Variants in BRINP1 observed in about 807,000 individuals in gnomAD.
BRINP1 encodes the protein BMP/retinoic acid-inducible neural-specific protein 1.
Under a neutral mutation model 72.9 loss-of-function variants are expected in BRINP1, and 17 were observed. That is an observed-to-expected ratio of 0.23 (90% CI 0.16 to 0.35). The LOEUF (loss-of-function observed/expected upper bound fraction) is 0.35, where lower values mean the gene tolerates loss of function less well. BRINP1 is among the 10% of genes least tolerant of loss of function. The probability of loss-of-function intolerance (pLI) is 1.00; values close to 1 mark genes in which losing one functional copy is unlikely to be tolerated. For missense variants in BRINP1, 850 were observed against 1,001.6 expected, an observed-to-expected ratio of 0.85 and a Z score of 2.04; for synonymous variants, 418 against 378.5, an observed-to-expected ratio of 1.10 and a Z score of -1.21.
chr9:119,330,953 G>T (rs1831294315), intron 1 of BRINP1, among the ~76,000 whole-genome samples: 1 of 152,176 alleles, frequency 6.6e-6, no homozygotes. Context: ...CTTGAACCCA[G>T]CAGGTGGAGG....
chr9:119,351,740 G>A (rs921432869), intron 1 of BRINP1, among the ~76,000 whole-genome samples: 3 of 152,182 alleles, frequency 2.0e-5, no homozygotes, highest in Non-Finnish European at 4.4e-5. Flanking sequence ...AATAATTATA[G>A]TAGGAAAGTC....
In BRINP1 at chr9:119,248,984, G is replaced by C; in HGVS notation, c.385C>G (p.Leu129Val). The change falls in exon 3 of 8, where the codon CTG (leucine) becomes GTG (valine). Residue 129 changes from leucine to valine, a missense_variant. By Grantham distance (32) the Leu-to-Val change is conservative. Coordinates refer to ENST00000265922, the MANE Select transcript of BRINP1 (RefSeq NM_014618.3). ...DTIIKKYGTH[L>V]LISATLGGEE... ...CCTCCCAATGTGGCTGAGATGAGCA[G>C]GTGGGTGCCGTACTTTTTGATGATG... 1 of 1,613,838 alleles carries C rather than the reference G, an allele frequency of 6.2e-7. No homozygotes were observed. The highest frequency in any genetic ancestry group is 8.5e-7 in the Non-Finnish European group (1 of 1,179,802).
At chr9:119,365,731 C>T (rs925997037) in intron 1 of BRINP1, among the ~76,000 whole-genome samples, 2 of 152,102 alleles carry the variant, frequency 1.3e-5, no homozygotes, top group Non-Finnish European at 2.9e-5. Flanking sequence ...CCTGTACCAG[C>T]GGCAAAGATA....
intron 2 of BRINP1, 77 bp from the exon 3 acceptor site, chr9:119,249,227 C>A: frequency 7.2e-7 from 1 of 1,397,704 alleles, no homozygotes; most frequent in Non-Finnish European, 9.7e-7. Context: ...ACCATCCATC[C>A]AGGCATCTCT....
intron 1 of BRINP1, among the ~76,000 whole-genome samples, chr9:119,325,038 T>TG (rs1831225725): frequency 6.6e-6 from 1 of 151,642 alleles, no homozygotes; most frequent in Non-Finnish European, 1.5e-5. Flanking sequence ...AGGCGAAAGT[T>TG]GTAGTGAGCT....
intron 7 of BRINP1, among the ~76,000 whole-genome samples, chr9:119,208,353 G>A (rs759727307): frequency 5.3e-5 from 8 of 152,192 alleles, no homozygotes; most frequent in Non-Finnish European, 8.8e-5. Flanking sequence ...TCACCATTAA[G>A]ATGGGGATGC....
At chr9:119,242,804 A>G (rs968795167) in intron 3 of BRINP1, among the ~76,000 whole-genome samples, 2 of 152,222 alleles carry the variant, frequency 1.3e-5, no homozygotes, top group African/African-American at 4.8e-5. Flanking sequence ...AAAAATTTAT[A>G]CATTTTCTTC....
chr9:119,200,638 A>G (rs1283687344), intron 7 of BRINP1, among the ~76,000 whole-genome samples: 2 of 121,260 alleles, frequency 1.6e-5, no homozygotes, highest in Non-Finnish European at 3.3e-5. Flanking sequence ...AAAAAAAAGA[A>G]AAAAAAAAAA....
At chr9:119,324,209 CAA>C (rs201478009) in intron 1 of BRINP1, among the ~76,000 whole-genome samples, 1 of 139,500 alleles carries the variant, frequency 7.2e-6, no homozygotes, top group Non-Finnish European at 1.6e-5. Context: ...GTATACAAGG[CAA>C]AAAAAAAAAA....
chr9:119,353,336 A>G (rs1388307714), intron 1 of BRINP1, among the ~76,000 whole-genome samples: 1 of 151,956 alleles, frequency 6.6e-6, no homozygotes, highest in Non-Finnish European at 1.5e-5. Context: ...TTCTCCCATC[A>G]TCCCTTAACA....
At chr9:119,246,005 A>G (rs1830312990) in intron 3 of BRINP1, among the ~76,000 whole-genome samples, 1 of 152,230 alleles carries the variant, frequency 6.6e-6, no homozygotes, top group South Asian at 2.1e-4. Flanking sequence ...CAATAATAGT[A>G]AGAACAAGAG....
At chr9:119,241,304 C>A (rs944231091) in intron 4 of BRINP1, among the ~76,000 whole-genome samples, 4 of 152,016 alleles carry the variant, frequency 2.6e-5, no homozygotes, top group Non-Finnish European at 5.9e-5. Flanking sequence ...CTGGTGTAGG[C>A]GAGCCTAGAT....
intron 2 of BRINP1, among the ~76,000 whole-genome samples, chr9:119,271,324 C>CAA (rs11455242): frequency 0.06 from 8,568 of 142,600 alleles, 522 homozygotes; most frequent in African/African-American, 0.15. Flanking sequence ...CCAGAAGGAC[C>CAA]AAAAAAAAAA....
chr9:119,238,638 T>C lies in BRINP1; in HGVS notation c.685+17A>G. 5 of 1,560,350 alleles carry C rather than the reference T, an allele frequency of 3.2e-6. No homozygotes were observed. The highest frequency in any genetic ancestry group is 4.4e-6 in the Non-Finnish European group (5 of 1,139,002). On this transcript the variant is annotated intron_variant, in intron 5 of 7. Transcript: ENST00000265922. The stretch of plus-strand genomic sequence containing the variant: ...TGTTTCCCCCAACTGACCCCACTTT[T>C]TCCACTGGCTTCCTACCTTGAAGGT...
chr9:119,224,231 C>T (rs868788783), intron 5 of BRINP1, among the ~76,000 whole-genome samples: 6 of 152,026 alleles, frequency 3.9e-5, no homozygotes, highest in East Asian at 1.9e-4. Context: ...TACATATGCA[C>T]GAGTTTGCAT....
At chr9:119,227,900 G>C (rs1160564739) in intron 5 of BRINP1, among the ~76,000 whole-genome samples, 4 of 152,072 alleles carry the variant, frequency 2.6e-5, no homozygotes, top group Non-Finnish European at 5.9e-5. Context: ...TGGTGGGATG[G>C]ATAAATGGGC....
intron 1 of BRINP1, among the ~76,000 whole-genome samples, chr9:119,323,894 T>C (rs1831213631): frequency 6.6e-6 from 1 of 152,198 alleles, no homozygotes; most frequent in Non-Finnish European, 1.5e-5. Flanking sequence ...TGTAATATAC[T>C]GAACTAGACA....
intron 1 of BRINP1, among the ~76,000 whole-genome samples, chr9:119,314,837 G>A (rs1269469375): frequency 2.6e-5 from 4 of 152,116 alleles, no homozygotes; most frequent in African/African-American, 9.7e-5. Context: ...ACAATTAAAC[G>A]ACATAATTGC....
chr9:119,258,288 A>C (rs911176021), intron 2 of BRINP1, among the ~76,000 whole-genome samples: 1 of 152,140 alleles, frequency 6.6e-6, no homozygotes, highest in Non-Finnish European at 1.5e-5. Context: ...TAAACTTGAG[A>C]GGGAAAAATA....
Sources: allele counts gnomAD v4.1 joint callset (sites outside exome capture counted in the v4.1 genomes callset), GRCh38; gene constraint gnomAD v4.1.1; transcripts MANE v1.5; gene names NCBI Gene and HGNC (gene_info 2026-07-23, HGNC 2026-07-21).